The following OXR1 variants were observed in gnomAD, a reference collection of about 807,000 sequenced individuals.
OXR1 encodes oxidation resistance 1.
A neutral mutation model predicts 104.6 loss-of-function variants in OXR1; 41 were observed. The ratio of observed to expected loss-of-function variants is 0.39; its 90% CI spans 0.31 to 0.51. The LOEUF (loss-of-function observed/expected upper bound fraction) is 0.51, where lower values mean the gene tolerates loss of function less well. Among genes scored for constraint, OXR1 ranks in the 20% least tolerant of loss-of-function variants. The pLI, the probability that OXR1 is intolerant of heterozygous loss-of-function variation, is 0.77. For synonymous variants in OXR1, 348 were observed against 348.4 expected, an observed-to-expected ratio of 1.00 and a Z score of 0.01; for missense variants, 955 against 1,031.9, an observed-to-expected ratio of 0.93 and a Z score of 1.02.
At chr8:106,620,136 T>G (rs1821580309) in intron 3 of OXR1, among the ~76,000 whole-genome samples, 1 of 152,218 alleles carries the variant, frequency 6.6e-6, no homozygotes, top group Non-Finnish European at 1.5e-5. Flanking sequence ...AGGCACTTAA[T>G]AAGTGCTTAT....
intron 3 of OXR1, among the ~76,000 whole-genome samples, chr8:106,662,454 T>G (rs1016065877): frequency 2.0e-5 from 3 of 152,244 alleles, no homozygotes; most frequent in Non-Finnish European, 4.4e-5. Context: ...GAGAAGCGTT[T>G]AGAAGCCTGA....
intron 7 of OXR1, among the ~76,000 whole-genome samples, 157 bp downstream of exon 7, chr8:106,693,034 G>A (rs1474003693): frequency 1.3e-5 from 2 of 152,112 alleles, no homozygotes; most frequent in Non-Finnish European, 2.9e-5. Context: ...TAGTATGGAT[G>A]TTGCTTATAA....
intron 1 of OXR1, among the ~76,000 whole-genome samples, chr8:106,354,915 C>G (rs1265290891): frequency 1.3e-5 from 2 of 151,838 alleles, no homozygotes; most frequent in Non-Finnish European, 2.9e-5. Context: ...AGCCTAAAAT[C>G]TCATTCATGA....
chr8:106,435,130 G>A (rs1819517175), intron 2 of OXR1, among the ~76,000 whole-genome samples: 1 of 152,150 alleles, frequency 6.6e-6, no homozygotes, highest in Non-Finnish European at 1.5e-5. Context: ...GCAGTACAAG[G>A]AACAGCAAAT....
chr8:106,573,134 T>A (rs1817591666), intron 3 of OXR1, among the ~76,000 whole-genome samples: 2 of 152,164 alleles, frequency 1.3e-5, no homozygotes, highest in South Asian at 4.1e-4. Flanking sequence ...ACTAAATCTT[T>A]TTGTTGTATT....
intron 3 of OXR1, among the ~76,000 whole-genome samples, chr8:106,642,200 T>G (rs373547185): frequency 2.0e-5 from 3 of 152,340 alleles, no homozygotes; most frequent in African/African-American, 7.2e-5. Context: ...ACATCTACTT[T>G]ACATGAATTG....
intron 3 of OXR1, among the ~76,000 whole-genome samples, chr8:106,564,189 CA>C (rs1816901009): frequency 6.6e-6 from 1 of 152,044 alleles, no homozygotes; most frequent in Non-Finnish European, 1.5e-5. Flanking sequence ...TCAATGAATC[CA>C]GGAGCCAGTT....
At chr8:106,748,183 T>C (rs1198050111) in intron 16 of OXR1, among the ~76,000 whole-genome samples, 1 of 152,226 alleles carries the variant, frequency 6.6e-6, no homozygotes, top group African/African-American at 2.4e-5. Flanking sequence ...TATTTTCCAG[T>C]GCCAGTGTCT....
intron 3 of OXR1, among the ~76,000 whole-genome samples, chr8:106,666,264 C>T (rs1019576096): frequency 7.9e-5 from 12 of 152,020 alleles, no homozygotes; most frequent in Non-Finnish European, 1.5e-5. Flanking sequence ...GAGTACTACT[C>T]AATAGAATTT....
intron 1 of OXR1, among the ~76,000 whole-genome samples, chr8:106,340,679 C>G (rs1308921885): frequency 6.6e-6 from 1 of 152,114 alleles, no homozygotes; most frequent in Non-Finnish European, 1.5e-5. Context: ...GGTGAAACAG[C>G]TTTTCCTGGT....
chr8:106,348,720 A>G (rs1046696268), intron 1 of OXR1, among the ~76,000 whole-genome samples: 1 of 152,110 alleles, frequency 6.6e-6, no homozygotes, highest in African/African-American at 2.4e-5. Flanking sequence ...CACCTGAAAA[A>G]CTTTGAGTTT....
chr8:106,649,986 G>A (rs973139386), intron 3 of OXR1, among the ~76,000 whole-genome samples: 4 of 152,018 alleles, frequency 2.6e-5, no homozygotes, highest in Admixed American at 6.6e-5. Context: ...GTGAGTCACC[G>A]CACCTGGCCA....
intron 2 of OXR1, among the ~76,000 whole-genome samples, chr8:106,404,992 T>A (rs1818158649): frequency 6.6e-6 from 1 of 151,868 alleles, no homozygotes; most frequent in Admixed American, 6.6e-5. Context: ...CCTTGGTTCT[T>A]ATAAGTGATG....
At chr8:106,352,588 A>G (rs1157237128) in intron 1 of OXR1, among the ~76,000 whole-genome samples, 1 of 152,192 alleles carries the variant, frequency 6.6e-6, no homozygotes, top group African/African-American at 2.4e-5. Context: ...TCAGTATGAG[A>G]TTGGCTGATG....
chr8:106,302,794 C>T (rs548695324), intron 1 of OXR1, among the ~76,000 whole-genome samples: 4 of 152,052 alleles, frequency 2.6e-5, no homozygotes, highest in African/African-American at 7.2e-5. Flanking sequence ...CTCTGTCACC[C>T]AGGCTGGAGT....
intron 3 of OXR1, among the ~76,000 whole-genome samples, chr8:106,580,541 G>A (rs1424872946): frequency 3.3e-5 from 5 of 152,148 alleles, no homozygotes; most frequent in East Asian, 1.9e-4. Context: ...TAAATATGCA[G>A]ATATCTTATA....
At chr8:106,506,408 TCC>T (rs1201450420) in intron 2 of OXR1, among the ~76,000 whole-genome samples, 2 of 152,098 alleles carry the variant, frequency 1.3e-5, no homozygotes, top group Admixed American at 6.5e-5. Context: ...GGTCAGGAGA[TCC>T]AGACAATCCT....
At chr8:106,511,801 T>C (rs1812550717) in intron 2 of OXR1, among the ~76,000 whole-genome samples, 1 of 152,204 alleles carries the variant, frequency 6.6e-6, no homozygotes, top group South Asian at 2.1e-4. Context: ...GTTTATCTAT[T>C]TCTCCTAATT....
chr8:106,661,624 T>C (rs1213272328), intron 3 of OXR1, among the ~76,000 whole-genome samples: 2 of 151,800 alleles, frequency 1.3e-5, no homozygotes, highest in Non-Finnish European at 2.9e-5. Flanking sequence ...TAGTGTAGAC[T>C]CTCAACTTAC....
Sources: allele counts gnomAD v4.1 joint callset (sites outside exome capture counted in the v4.1 genomes callset), GRCh38; gene constraint gnomAD v4.1.1; transcripts MANE v1.5; gene names NCBI Gene and HGNC (gene_info 2026-07-23, HGNC 2026-07-21).